CENPP: variants seen among roughly 807,000 people sequenced by gnomAD.
CENPP encodes centromere protein P.
CENPP carries 24 observed loss-of-function variants against 35.6 expected under a neutral mutation model. The observed-to-expected ratio is 0.67, with a 90% CI of 0.49 to 0.95. The LOEUF is 0.95. Ranked by LOEUF, CENPP falls within the 40% of genes least tolerant of loss-of-function variation. The probability of loss-of-function intolerance (pLI) is 0.00; values close to 1 mark genes in which losing one functional copy is unlikely to be tolerated. For synonymous variants in CENPP, 120 were observed against 125.5 expected (o/e 0.96, Z 0.29); for missense variants, 332 against 345.3 (o/e 0.96, Z 0.31).
intron 3 of CENPP, among the ~76,000 whole-genome samples, chr9:92,343,351 A>G (rs1167080138): frequency 2.0e-5 from 3 of 152,210 alleles, no homozygotes; most frequent in East Asian, 3.8e-4. Context: ...TGTTCTTAGT[A>G]CTACATTTGT....
At chr9:92,392,180 C>T (rs1051113515) in intron 5 of CENPP, among the ~76,000 whole-genome samples, 1 of 151,892 alleles carries the variant, frequency 6.6e-6, no homozygotes, top group Non-Finnish European at 1.5e-5. Context: ...TTGATAATGA[C>T]CTGGTAAGGA....
Position 92,445,244 on chromosome 9 carries a change from C to T in CENPP, c.564+65385C>T, listed in dbSNP as rs562889513. ...TGGGTTTCTCCTTTGTCTGTTCAGT[C>T]ACCCCTTCTTCAAGCATCATTGGGG... On this transcript the variant is annotated intron_variant, in intron 5 of 7. Coordinates refer to ENST00000375587, the MANE Select transcript of CENPP (RefSeq NM_001012267.3). Among the ~76,000 whole-genome samples, 3 of 152,266 alleles carry T rather than the reference C, an allele frequency of 2.0e-5. No homozygotes were observed. The East Asian group carries it at 5.8e-4, about 29-fold the overall frequency.
intron 4 of CENPP, among the ~76,000 whole-genome samples, chr9:92,372,417 A>C (rs866732773): frequency 6.6e-6 from 1 of 151,190 alleles, no homozygotes; most frequent in Non-Finnish European, 1.5e-5. Context: ...CTGTTGTTTT[A>C]TATATTCTTT....
rs149389486 is a variant in CENPP, at chr9:92,339,173, A to C, written c.378+1544A>C. On this transcript the variant is annotated intron_variant, in intron 3 of 7. Transcript: ENST00000375587. The stretch of plus-strand genomic sequence containing the variant: ...TCATCAGATATCTAAAGTGGTGTAG[A>C]GTAGTTGTTGTAACTGAGTCCTATG... 7.9e-5 allele frequency among the ~76,000 whole-genome samples: 12 copies of C among 152,326 alleles called. No homozygotes were observed. In the East Asian group the frequency reaches 2.1e-3, roughly 27 times the overall value.
intron 5 of CENPP, among the ~76,000 whole-genome samples, chr9:92,412,179 G>A (rs1370637481): frequency 5.3e-5 from 8 of 151,818 alleles, no homozygotes; most frequent in African/African-American, 9.7e-5. Context: ...CTTGGTCTCC[G>A]GGGCTCAAGC....
intron 5 of CENPP, chr9:92,522,972 G>A: frequency 1.5e-6 from 2 of 1,316,352 alleles, no homozygotes; most frequent in Non-Finnish European, 1.0e-6. Context: ...TTGCTTGTAT[G>A]CCTCAGTAGG....
chr9:92,335,971 G>T (rs908235354), intron 2 of CENPP, among the ~76,000 whole-genome samples: 1 of 152,184 alleles, frequency 6.6e-6, no homozygotes, highest in Non-Finnish European at 1.5e-5. Context: ...TCAAAGTTGG[G>T]AAGAACTGAC....
intron 5 of CENPP, among the ~76,000 whole-genome samples, chr9:92,500,213 C>T (rs930047841): frequency 4.6e-5 from 7 of 152,068 alleles, no homozygotes; most frequent in African/African-American, 1.7e-4. Flanking sequence ...GATGGAGTCT[C>T]ACTCTGTCAC....
intron 5 of CENPP, chr9:92,386,424 A>G: frequency 1.7e-6 from 1 of 605,458 alleles, no homozygotes; most frequent in Admixed American, 2.9e-5. Flanking sequence ...TGAATACATC[A>G]ATTATATCAA....
chr9:92,435,343 T>C (rs1290580077), intron 5 of CENPP, among the ~76,000 whole-genome samples: 1 of 152,208 alleles, frequency 6.6e-6, no homozygotes, highest in East Asian at 1.9e-4. Flanking sequence ...TACTTTTTAA[T>C]TAAAAATGTT....
At chr9:92,344,135 T>C (rs1033707951) in intron 3 of CENPP, among the ~76,000 whole-genome samples, 4 of 152,098 alleles carry the variant, frequency 2.6e-5, no homozygotes, top group African/African-American at 7.2e-5. Context: ...TCAGATTGTT[T>C]ATAAGGTCTC....
chr9:92,562,598 C>T (rs72754462), intron 5 of CENPP, among the ~76,000 whole-genome samples: 1 of 152,248 alleles, frequency 6.6e-6, no homozygotes, highest in Non-Finnish European at 1.5e-5. Flanking sequence ...GTTTGGGAAG[C>T]AGGCAGCCAC....
chr9:92,530,893 G>T (rs182754203), intron 5 of CENPP, among the ~76,000 whole-genome samples: 2 of 152,180 alleles, frequency 1.3e-5, no homozygotes, highest in Admixed American at 6.5e-5. Flanking sequence ...TTATGCCCAT[G>T]AGTACCCAAT....
At chr9:92,601,977 C>T (rs528586073) in intron 5 of CENPP, among the ~76,000 whole-genome samples, 8 of 152,280 alleles carry the variant, frequency 5.3e-5, no homozygotes, top group African/African-American at 1.9e-4. Flanking sequence ...CCAGGAGCAA[C>T]GAGCCCAGGT....
chr9:92,532,022 TTTTTTTATTTTA>T lies in CENPP; in HGVS notation c.565-79285_565-79274del, dbSNP rs1193330667. Reference sequence around the variant, plus strand: ...TTTCTTTTTTTATTTAATGTTTTTTTTTTTTTATTTTATTTTTTTTTTGAGATGAGGTCTCAC... The same window carrying T: ...TTTCTTTTTTTATTTAATGTTTTTTTTTTTTTTTTTGAGATGAGGTCTCAC... On this transcript the variant is annotated intron_variant, in intron 5 of 7. Coordinates refer to ENST00000375587, the MANE Select transcript of CENPP (RefSeq NM_001012267.3). Among the ~76,000 whole-genome samples the T allele has an allele frequency of 8.6e-5, 11 of 127,982 alleles. 2 individuals are homozygous for T. The highest frequency in any genetic ancestry group is 2.5e-4 in the African/African-American group (7 of 27,804). 84.0% of individuals were successfully genotyped at this position (127,982 alleles called of 152,430 possible).
intron 5 of CENPP, among the ~76,000 whole-genome samples, chr9:92,489,751 T>C (rs1167197161): frequency 6.6e-6 from 1 of 152,176 alleles, no homozygotes; most frequent in Non-Finnish European, 1.5e-5. Flanking sequence ...GCCATGGACA[T>C]GATCATACAG....
upstream of CENPP, chr9:92,325,875 T>G (rs1455111917): frequency 5.6e-6 from 4 of 713,726 alleles, no homozygotes; most frequent in African/African-American, 7.5e-5. Flanking sequence ...CTCTCCCGCC[T>G]CCCCTCCGCG....
chr9:92,505,138 T>A (rs1846921511), intron 5 of CENPP, among the ~76,000 whole-genome samples: 1 of 152,242 alleles, frequency 6.6e-6, no homozygotes, highest in African/African-American at 2.4e-5. Flanking sequence ...GCCTGGAATT[T>A]GTGAGTGGAC....
At chr9:92,413,647 G>T (rs1390800919) in intron 5 of CENPP, among the ~76,000 whole-genome samples, 2 of 151,984 alleles carry the variant, frequency 1.3e-5, no homozygotes, top group African/African-American at 2.4e-5. Flanking sequence ...AACCTCTGTT[G>T]AAAATGTGCT....
Sources: allele counts gnomAD v4.1 joint callset (sites outside exome capture counted in the v4.1 genomes callset), GRCh38; gene constraint gnomAD v4.1.1; transcripts MANE v1.5; gene names NCBI Gene and HGNC (gene_info 2026-07-23, HGNC 2026-07-21).